Variants in RNF44 observed in about 807,000 individuals in gnomAD.
The protein encoded by RNF44 is ring finger protein 44.
Under a neutral mutation model 53.6 loss-of-function variants are expected in RNF44, and 25 were observed. That is an observed-to-expected ratio of 0.47 (90% CI 0.34 to 0.65). The LOEUF is 0.65. RNF44 is among the 30% of genes least tolerant of loss of function. The pLI is 0.01. For missense variants in RNF44, 581 were observed against 595.5 expected (o/e 0.98, Z 0.25); for synonymous variants, 282 against 252.2 (o/e 1.12, Z -1.12).
rs747971190 is a variant in RNF44, at chr5:176,529,283, G to A, written c.1236+5C>T. 1.2e-6 allele frequency: 2 copies of A among 1,612,898 alleles called. No homozygotes were observed. The highest frequency in any genetic ancestry group is 2.2e-5 in the East Asian group (1 of 44,878). On this transcript the variant is annotated splice_donor_5th_base_variant and intron_variant, in intron 10 of 10. Coordinates refer to ENST00000274811, the MANE Select transcript of RNF44 (RefSeq NM_014901.5). Reference sequence around the variant, plus strand: ...ATACCCAGGAGCAGACCTGGGCAGTGTTACCTTCAACCACTTGTCAACACA... The same window carrying A: ...ATACCCAGGAGCAGACCTGGGCAGTATTACCTTCAACCACTTGTCAACACA...
At chr5:176,536,678 G>C (rs1305673703) in intron 1 of RNF44, among the ~76,000 whole-genome samples, 1 of 152,122 alleles carries the variant, frequency 6.6e-6, no homozygotes, top group Non-Finnish European at 1.5e-5. Flanking sequence ...CAACAACAAA[G>C]GAAGTGGCGG....
Position 176,532,381 on chromosome 5 carries a change from C to A in RNF44, c.92G>T (p.Gly31Val), listed in dbSNP as rs1202210383. Reference protein sequence around the residue: ...RFSAGPGSTPGQLWGSPGLEG... With the variant: ...RFSAGPGSTPVQLWGSPGLEG... ...TCCTTCCTACCTTCCCCAGAGCTGG[C>A]CCGGGGTGCTGCCAGGTCCCGCAGA... Residue 31 changes from glycine (G) to valine (V), a missense_variant, in exon 2 of 11, where the codon GGC becomes GTC. Transcript: ENST00000274811. The A allele has an allele frequency of 6.2e-7, 1 of 1,609,392 alleles. No individual in the cohort carries two copies. The highest frequency in any genetic ancestry group is 1.3e-5 in the African/African-American group (1 of 74,976).
Position 176,532,119 on chromosome 5 carries a change from C to G in RNF44, c.182G>C (p.Arg61Pro), listed in dbSNP as rs761936323. Residue 61 changes from arginine (R) to proline (P), a missense_variant, in exon 3 of 11, where the codon CGA becomes CCA. Coordinates refer to ENST00000274811, the MANE Select transcript of RNF44 (RefSeq NM_014901.5). ...ERLPSQQPPS[R>P]PPHLPVEERR... ...CTCCTCTACGGGGAGGTGTGGAGGT[C>G]GGGACGGCGGCTGCTGGGAGGGTAA... is the stretch of plus-strand genomic sequence containing the variant. 1.3e-6 allele frequency: 2 copies of G among 1,584,328 alleles called. No homozygotes were observed. Among genetic ancestry groups the G allele is most frequent in the African/African-American group, 2.7e-5 (2 of 73,790 alleles).
In RNF44 at chr5:176,532,202, C is replaced by G. The variant is rs1756745426; in HGVS notation, c.108-9G>C. 4.6e-6 allele frequency: 7 copies of G among 1,506,264 alleles called. No homozygotes were observed. Among genetic ancestry groups the G allele is most frequent in the Non-Finnish European group, 6.2e-6 (7 of 1,128,556 alleles). 93.3% of individuals were successfully genotyped at this position (1,506,264 alleles called of 1,614,324 possible). On this transcript the variant is annotated splice_polypyrimidine_tract_variant and intron_variant, in intron 2 of 10. Transcript: ENST00000274811. Reference sequence around the variant, plus strand: ...GGCCCTCGAGGCCAGGGCTGCACCACAGAGAGGAGGCCCCGATAGGACTGA... The same window carrying G: ...GGCCCTCGAGGCCAGGGCTGCACCAGAGAGAGGAGGCCCCGATAGGACTGA...
chr5:176,536,758 G>A (rs561963909), intron 1 of RNF44, among the ~76,000 whole-genome samples, 182 bp downstream of exon 1: 27 of 149,074 alleles, frequency 1.8e-4, no homozygotes, highest in African/African-American at 6.7e-4. Flanking sequence ...GGGAGATACG[G>A]CCCGGCCACG....
upstream of RNF44, among the ~76,000 whole-genome samples, chr5:176,542,250 C>T (rs564419747): frequency 5.3e-5 from 8 of 152,284 alleles, no homozygotes; most frequent in South Asian, 1.7e-3. Context: ...CCCCTGAGGC[C>T]AGCCTGCCCT....
rs973245521 is a variant in RNF44 at position 176,528,198 on chromosome 5, C to T, written c.*830G>A. ...AAGAAATTGTCTTAAATATCCACATCCCCAAATCCTACACGTGATTTTGGG... is the reference window on the plus strand; with the variant it reads ...AAGAAATTGTCTTAAATATCCACATTCCCAAATCCTACACGTGATTTTGGG... On this transcript the variant is annotated 3_prime_UTR_variant, in exon 11 of 11. Transcript: ENST00000274811. The T allele has an allele frequency of 1.3e-5, 2 of 152,264 alleles. No homozygotes were observed. Among genetic ancestry groups the T allele is most frequent in the Admixed American group, 6.5e-5 (1 of 15,274 alleles). 9.4% of individuals were successfully genotyped at this position (152,264 alleles called of 1,614,324 possible). A position where few individuals can be genotyped will look rare whatever the true frequency, so the allele number is the denominator to read the frequency against.
intron 2 of RNF44, 74 bp from the exon 3 acceptor site, chr5:176,532,267 G>A (rs1200996394): frequency 4.0e-6 from 6 of 1,509,016 alleles, no homozygotes; most frequent in Non-Finnish European, 5.3e-6. Context: ...AGAAGCCAGG[G>A]TGACTCCCCC....
upstream of RNF44, among the ~76,000 whole-genome samples, chr5:176,543,012 A>G (rs1757488997): frequency 6.6e-6 from 1 of 151,598 alleles, no homozygotes; most frequent in Non-Finnish European, 1.5e-5. The surrounding 1 kb of genome is among the most constrained non-coding windows in gnomAD (Gnocchi z 4.0). Flanking sequence ...GGCGCAGGGC[A>G]CGCGGGGGCT....
At chr5:176,536,784 G>T (rs971612133) in intron 1 of RNF44, among the ~76,000 whole-genome samples, 156 bp downstream of exon 1, 1 of 151,900 alleles carries the variant, frequency 6.6e-6, no homozygotes, top group Non-Finnish European at 1.5e-5. Context: ...CCTTGGGGGG[G>T]GTTCCTGATC....
chr5:176,529,296 A>G lies in RNF44; in HGVS notation c.1228T>C (p.Trp410Arg). ...HEFHTKCVDK[W>R]LKANRTCPIC... ...GACCTGGGCAGTGTTACCTTCAACCACTTGTCAACACACTTGGTGTGGAAC... is the reference window on the plus strand; with the variant it reads ...GACCTGGGCAGTGTTACCTTCAACCGCTTGTCAACACACTTGGTGTGGAAC... The change falls in exon 10 of 11, where the codon TGG becomes CGG. Residue 410 changes from tryptophan (W) to arginine (R), a missense_variant. Coordinates refer to ENST00000274811, the MANE Select transcript of RNF44 (RefSeq NM_014901.5). 1 of 1,613,542 alleles carries G rather than the reference A, an allele frequency of 6.2e-7. No individual in the cohort carries two copies. Among genetic ancestry groups the G allele is most frequent in the Non-Finnish European group, 8.5e-7 (1 of 1,179,872 alleles).
At position 176,529,716 on chromosome 5, in the gene RNF44, G is replaced by A; in HGVS notation, c.1014+15C>T. 6.2e-7 allele frequency: 1 copy of A among 1,610,872 alleles called. No individual in the cohort carries two copies. The highest frequency in any genetic ancestry group is 2.2e-5 in the East Asian group (1 of 44,760). ...TCTCCCAAACCCCACCTCCCAGCAT[G>A]GGGCTCCATGGGACCTCATAGTTCT... is the stretch of plus-strand genomic sequence containing the variant. On this transcript the variant is annotated intron_variant, in intron 8 of 10. Transcript: ENST00000274811.
Position 176,528,925 on chromosome 5 carries a change from G to A in RNF44, c.*103C>T, listed in dbSNP as rs536576652. 36 of 1,108,546 alleles carry A rather than the reference G, an allele frequency of 3.2e-5. No individual in the cohort carries two copies. The highest frequency in any genetic ancestry group is 2.6e-4 in the South Asian group (17 of 66,214). 68.7% of individuals were successfully genotyped at this position (1,108,546 alleles called of 1,614,324 possible). The stretch of plus-strand genomic sequence containing the variant: ...CAGCTCTGGAAATGCAGGCAGGAGC[G>A]AAGGGGCAGGCCTGGGCCACTCCCT... On this transcript the variant is annotated 3_prime_UTR_variant, in exon 11 of 11. Coordinates refer to ENST00000274811, the MANE Select transcript of RNF44 (RefSeq NM_014901.5).
Position 176,528,700 on chromosome 5 carries a change from C to T in RNF44, c.*328G>A, listed in dbSNP as rs1280823917. ...TGGGGCCAAGGATCTCCACCGGCCC[C>T]ACTGAGGGAGCGGACCCCTGGCACT... On this transcript the variant is annotated 3_prime_UTR_variant, in exon 11 of 11. Coordinates refer to ENST00000274811, the MANE Select transcript of RNF44 (RefSeq NM_014901.5). 9.8e-6 allele frequency: 4 copies of T among 406,680 alleles called. No individual in the cohort carries two copies. Among genetic ancestry groups the T allele is most frequent in the Non-Finnish European group, 1.8e-5 (4 of 222,984 alleles). 25.2% of individuals were successfully genotyped at this position (406,680 alleles called of 1,614,324 possible).
At chr5:176,538,964 C>T (rs1238774764), upstream of RNF44, among the ~76,000 whole-genome samples, 2 of 152,056 alleles carry the variant, frequency 1.3e-5, no homozygotes, top group Non-Finnish European at 2.9e-5. Flanking sequence ...TTTTAAAAAC[C>T]CTATGCATTA....
In RNF44 at chr5:176,531,856, G is replaced by A; in HGVS notation, c.297+148C>T. The A allele has an allele frequency of 1.0e-6, 1 of 955,954 alleles. No individual in the cohort carries two copies. The highest frequency in any genetic ancestry group is 1.7e-5 in the South Asian group (1 of 57,268). 59.2% of individuals were successfully genotyped at this position (955,954 alleles called of 1,614,324 possible). On this transcript the variant is annotated intron_variant, in intron 3 of 10. Coordinates refer to ENST00000274811, the MANE Select transcript of RNF44 (RefSeq NM_014901.5). This position sits in a 1 kb window ranked among gnomAD's most constrained non-coding sequence, Gnocchi z 4.2. Reference sequence around the variant, plus strand: ...TCACCCAGTGTGGCCCTTTCCCCGGGCCTCAGTTTACCTACCTGTAAAGCA... The same window carrying A: ...TCACCCAGTGTGGCCCTTTCCCCGGACCTCAGTTTACCTACCTGTAAAGCA...
chr5:176,543,061 C>T, the RNF44 span, among the ~76,000 whole-genome samples: 1 of 151,970 alleles, frequency 6.6e-6, no homozygotes, highest in African/African-American at 2.4e-5. This position sits in a 1 kb window ranked among gnomAD's most constrained non-coding sequence, Gnocchi z 4.0. Flanking sequence ...GGCGTTTGGA[C>T]CTAGCGGACG....
chr5:176,529,110 A>C lies in RNF44; in HGVS notation c.1237-20T>G. The C allele has an allele frequency of 6.2e-7, 1 of 1,612,924 alleles. No homozygotes were observed. The highest frequency in any genetic ancestry group is 2.2e-5 in the East Asian group (1 of 44,858). ...GTTGGCCTGTGGGAACATGCACGTC[A>C]GGCGTTGCTCTCACCAGCCCCAACC... On this transcript the variant is annotated intron_variant, in intron 10 of 10. Transcript: ENST00000274811.
chr5:176,533,745 G>A (rs1756921648), intron 1 of RNF44, among the ~76,000 whole-genome samples: 2 of 151,602 alleles, frequency 1.3e-5, no homozygotes, highest in South Asian at 2.1e-4. Context: ...GGAGGATGTC[G>A]AGGGACCTGG....
Sources: gnomAD v4.1 joint callset for allele counts (sites outside exome capture counted in the v4.1 genomes callset) on GRCh38, gnomAD v4.1.1 for gene constraint, Gnocchi (gnomAD v3.1) non-coding constraint, MANE v1.5 for transcripts, NCBI Gene and HGNC (gene_info 2026-07-23, HGNC 2026-07-21) for gene names.